ZNF281: variants seen among roughly 807,000 people sequenced by gnomAD.
The protein encoded by ZNF281 is GC-box-binding zinc finger protein 1.
ZNF281 carries 2 observed loss-of-function variants against 58.8 expected under a neutral mutation model. That is an observed-to-expected ratio of 0.03 (90% CI 0.01 to 0.11). ZNF281 has a LOEUF of 0.11. Among genes scored for constraint, ZNF281 ranks in the 10% least tolerant of loss-of-function variants. The probability of loss-of-function intolerance (pLI) is 1.00; values close to 1 mark genes in which losing one functional copy is unlikely to be tolerated. For missense variants in ZNF281, 975 were observed against 1,090.7 expected, an observed-to-expected ratio of 0.89 and a Z score of 1.49; for synonymous variants, 465 against 407.7, an observed-to-expected ratio of 1.14 and a Z score of -1.69.
At position 200,407,650 on chromosome 1, in the gene ZNF281, G is replaced by A; in HGVS notation, c.2056C>T (p.Leu686Phe). Residue 686 changes from leucine (L) to phenylalanine (F), a missense_variant, in exon 2 of 2, where the codon CTT becomes TTT. Around this residue, in one of 3 missense-constraint regions of ZNF281, gnomAD observed 579 missense variants for 608.9 expected, o/e 0.95. Coordinates refer to ENST00000367353, the MANE Select transcript of ZNF281 (RefSeq NM_001281293.2). ...FEKSTNASFT[L>F]GHGFQFVSLS... Reference sequence around the variant, plus strand: ...CTGACAAATTGGAAACCGTGTCCAAGAGTAAAACTTGCATTAGTGGATTTT... The same window carrying A: ...CTGACAAATTGGAAACCGTGTCCAAAAGTAAAACTTGCATTAGTGGATTTT... 1.2e-6 allele frequency: 2 copies of A among 1,614,228 alleles called. No homozygotes were observed. Among genetic ancestry groups the A allele is most frequent in the East Asian group, 4.5e-5 (2 of 44,894 alleles).
chr1:200,406,257 AGTT>A lies in ZNF281; in HGVS notation c.*758_*760del, dbSNP rs1654447618. On this transcript the variant is annotated 3_prime_UTR_variant, in exon 2 of 2. Transcript: ENST00000367353. ...CTTGATGGAATTACAGCCTTGTTACAGTTGAGATCAAGAGAGGGTGCTTTTTTT... is the reference window on the plus strand; with the variant it reads ...CTTGATGGAATTACAGCCTTGTTACAGAGATCAAGAGAGGGTGCTTTTTTT... The A allele has an allele frequency of 6.6e-6, 1 of 152,436 alleles. No individual in the cohort carries two copies. Among genetic ancestry groups the A allele is most frequent in the African/African-American group, 2.4e-5 (1 of 41,414 alleles). 9.4% of individuals were successfully genotyped at this position (152,436 alleles called of 1,614,324 possible). A position where few individuals can be genotyped will look rare whatever the true frequency, so the allele number is the denominator to read the frequency against.
rs1177970390 is a variant in ZNF281 at position 200,406,720 on chromosome 1, CT to C, written c.*297del. On this transcript the variant is annotated 3_prime_UTR_variant, in exon 2 of 2. Transcript: ENST00000367353. ...TTTTTTTTTTTTGGTTTTTTTTTGT[CT>C]TTTTTTTTGCGTTTAAAACATTTGG... is the stretch of plus-strand genomic sequence containing the variant. The C allele has an allele frequency of 6.2e-4, 101 of 163,428 alleles. No individual in the cohort carries two copies. Among genetic ancestry groups the C allele is most frequent in the East Asian group, 1.6e-3 (12 of 7,334 alleles). 10.1% of individuals were successfully genotyped at this position (163,428 alleles called of 1,614,324 possible).
rs954542131 is a variant in ZNF281, at chr1:200,406,018, C to T, written c.*1000G>A. 2 of 151,946 alleles carry T rather than the reference C, an allele frequency of 1.3e-5. No individual in the cohort carries two copies. 9.4% of individuals were successfully genotyped at this position (151,946 alleles called of 1,614,324 possible). On this transcript the variant is annotated 3_prime_UTR_variant, in exon 2 of 2. Transcript: ENST00000367353. ...AAAATAGAAAGAGGGAAAAGGAAGG[C>T]CCAAGAACTCTTAAAGAGAGGCTGA...
rs777494511 is a variant in ZNF281 at position 200,407,156 on chromosome 1, G to A, written c.2550C>T (p.Ile850=). 6.2e-7 allele frequency: 1 copy of A among 1,614,170 alleles called. No individual in the cohort carries two copies. The highest frequency in any genetic ancestry group is 8.5e-7 in the Non-Finnish European group (1 of 1,180,024). Residue 850 remains isoleucine (I), a synonymous_variant, in exon 2 of 2, where the codon ATC becomes ATT. Coordinates refer to ENST00000367353, the MANE Select transcript of ZNF281 (RefSeq NM_001281293.2). ...GGTCCACTTCTCCATTAGAGTTAGT[G>A]ATAAAGGTCATTGGCACCCTGCTGC... The part of the protein sequence containing the change: ...KSGSRVPMTF[I]TNSNGEVDHR...
Position 200,407,573 on chromosome 1 carries a change from G to A in ZNF281, c.2133C>T (p.Tyr711=). The part of the protein sequence containing the change: ...NHTLFPEKQI[Y]TTSPLECGFG... ...AACCACACTCCAAAGGAGACGTAGT[G>A]TATATTTGTTTTTCTGGAAACAAAG... is the stretch of plus-strand genomic sequence containing the variant. Residue 711 remains tyrosine (Y), a synonymous_variant, in exon 2 of 2, where the codon TAC becomes TAT. Coordinates refer to ENST00000367353, the MANE Select transcript of ZNF281 (RefSeq NM_001281293.2). 1.2e-6 allele frequency: 2 copies of A among 1,614,206 alleles called. No individual in the cohort carries two copies. The highest frequency in any genetic ancestry group is 1.7e-6 in the Non-Finnish European group (2 of 1,180,034).
intron 1 of ZNF281, 77 bp downstream of exon 1, chr1:200,409,869 C>T: frequency 4.8e-6 from 5 of 1,045,634 alleles, no homozygotes; most frequent in South Asian, 1.7e-5. Flanking sequence ...CAGTCGCCTC[C>T]GGCACCGGCA....
At position 200,407,196 on chromosome 1, in the gene ZNF281, G is replaced by C; in HGVS notation, c.2510C>G (p.Ser837Cys). 1 of 1,614,224 alleles carries C rather than the reference G, an allele frequency of 6.2e-7. No homozygotes were observed. The highest frequency in any genetic ancestry group is 8.5e-7 in the Non-Finnish European group (1 of 1,180,048). Residue 837 changes from serine (S) to cysteine (C), a missense_variant, in exon 2 of 2, where the codon TCT becomes TGT. Transcript: ENST00000367353. ...QIENFAQAFGSQFKSGSRVPM... is the reference protein window; with the variant it reads ...QIENFAQAFGCQFKSGSRVPM... The stretch of plus-strand genomic sequence containing the variant: ...CACCCTGCTGCCCGACTTAAACTGA[G>C]AACCAAACGCTTGTGCAAAGTTCTC...
At position 200,406,752 on chromosome 1, in the gene ZNF281, T is replaced by C. The variant is rs929314460; in HGVS notation, c.*266A>G. 3.0e-5 allele frequency: 9 copies of C among 298,212 alleles called. No individual in the cohort carries two copies. The highest frequency in any genetic ancestry group is 5.0e-5 in the Admixed American group (1 of 20,200). The allele number at this position is 298,212 out of a possible 1,614,324, so 18.5% of individuals were successfully genotyped here. The stretch of plus-strand genomic sequence containing the variant: ...TTTGCGTTTAAAACATTTGGGCTAT[T>C]CCCTGACGATCTATACATGTAAATT... On this transcript the variant is annotated 3_prime_UTR_variant, in exon 2 of 2. Transcript: ENST00000367353.
In ZNF281 at chr1:200,408,190, C is replaced by T. The variant is rs770953100; in HGVS notation, c.1516G>A (p.Val506Ile). 6 of 1,613,704 alleles carry T rather than the reference C, an allele frequency of 3.7e-6. No homozygotes were observed. The South Asian group carries it at 5.5e-5, about 15-fold the overall frequency. The change falls in exon 2 of 2, where the codon GTA becomes ATA. Residue 506 changes from valine to isoleucine, a missense_variant. By Grantham distance (29) the Val-to-Ile change is conservative (BLOSUM62 3). This residue lies in a region of ZNF281 where 579 missense variants were observed against 608.9 expected (regional missense o/e 0.95). Coordinates refer to ENST00000367353, the MANE Select transcript of ZNF281 (RefSeq NM_001281293.2). The stretch of plus-strand genomic sequence containing the variant: ...ATGGTCTCCACACTATTATTTGATA[C>T]TATGCCAAGTGAGCCACTTGGTTTT... The part of the protein sequence containing the change: ...SGKPSGSLGI[V>I]SNNSVETIGL...
rs1268261106 is a variant in ZNF281, at chr1:200,408,237, A to G, written c.1469T>C (p.Val490Ala). The G allele has an allele frequency of 6.2e-7, 1 of 1,612,308 alleles. No individual in the cohort carries two copies. The highest frequency in any genetic ancestry group is 1.7e-5 in the Admixed American group (1 of 60,016). Residue 490 changes from valine (V) to alanine (A), a missense_variant, in exon 2 of 2, where the codon GTA becomes GCA. Coordinates refer to ENST00000367353, the MANE Select transcript of ZNF281 (RefSeq NM_001281293.2). ...LNFVSPLPDI[V>A]GQKSLSGKPS... ...TTTTCCAGACAAGGATTTCTGTCCT[A>G]CTATGTCTGGTAATGGTGACACAAA...
Position 200,406,663 on chromosome 1 carries a change from C to T in ZNF281, c.*355G>A, listed in dbSNP as rs997223586. The T allele has an allele frequency of 1.1e-5, 2 of 180,414 alleles. No individual in the cohort carries two copies. Among genetic ancestry groups the T allele is most frequent in the Admixed American group, 5.9e-5 (1 of 16,880 alleles). 11.2% of individuals were successfully genotyped at this position (180,414 alleles called of 1,614,324 possible). ...CTGAGAGTAAAGCAATTAGAATAAC[C>T]TTAATCCTAGCAACAAAGTTTTTTT... On this transcript the variant is annotated 3_prime_UTR_variant, in exon 2 of 2. Transcript: ENST00000367353.
Position 200,408,623 on chromosome 1 carries a change from C to T in ZNF281, c.1083G>A (p.Leu361=). The change falls in exon 2 of 2, where the codon TTG becomes TTA. Residue 361 remains leucine, a synonymous_variant. Transcript: ENST00000367353. ...CTTCACCACATGTGCGCCTGTGCTT[C>T]AACAATCTATCAGTCCTTGAAAAAT... ...QQYFSRTDRL[L]KHRRTCGEVI... is the part of the protein sequence containing the mutation. 6.2e-7 allele frequency: 1 copy of T among 1,614,192 alleles called. No individual in the cohort carries two copies. Among genetic ancestry groups the T allele is most frequent in the Non-Finnish European group, 8.5e-7 (1 of 1,180,046 alleles).
At position 200,409,177 on chromosome 1, in the gene ZNF281, G is replaced by A. The variant is rs1201050863; in HGVS notation, c.529C>T (p.Leu177Phe). 2 of 1,614,104 alleles carry A rather than the reference G, an allele frequency of 1.2e-6. No individual in the cohort carries two copies. The highest frequency in any genetic ancestry group is 1.7e-6 in the Non-Finnish European group (2 of 1,180,012). Residue 177 changes from leucine to phenylalanine, a missense_variant, in exon 2 of 2, where the codon CTC (leucine) becomes TTC (phenylalanine). Physicochemically the swap from Leu to Phe is conservative, Grantham distance 22. Coordinates refer to ENST00000367353, the MANE Select transcript of ZNF281 (RefSeq NM_001281293.2). Reference protein sequence around the residue: ...EGGSHGVIQDLSILHQHVQQQ... With the variant: ...EGGSHGVIQDFSILHQHVQQQ... ...TGGACATGCTGGTGGAGAATACTGA[G>A]GTCCTGGATGACGCCGTGACTCCCC...
In ZNF281 at chr1:200,408,092, T is replaced by A; in HGVS notation, c.1614A>T (p.Ser538=). 1 of 1,614,198 alleles carries A rather than the reference T, an allele frequency of 6.2e-7. No homozygotes were observed. Among genetic ancestry groups the A allele is most frequent in the East Asian group, 2.2e-5 (1 of 44,892 alleles). ...SSNYDDAMQF[S]KKRRYLPTAS... Reference sequence around the variant, plus strand: ...CAGTTGGTAAATATCTTCTTTTCTTTGAAAACTGCATGGCATCATCATAAT... The same window carrying A: ...CAGTTGGTAAATATCTTCTTTTCTTAGAAAACTGCATGGCATCATCATAAT... The change falls in exon 2 of 2, where the codon TCA becomes TCT. Residue 538 remains serine (S), a synonymous_variant. Transcript: ENST00000367353.
At chr1:200,409,745 G>A in intron 1 of ZNF281, 22 bp from the exon 2 acceptor site, 1 of 1,583,910 alleles carries the variant, frequency 6.3e-7, no homozygotes, top group Non-Finnish European at 8.6e-7. Context: ...AGGAGGAAGA[G>A]GGAAGAGGGA....
Position 200,407,154 on chromosome 1 carries a change from G to A in ZNF281, c.2552C>T (p.Thr851Ile). ...ATGGTCCACTTCTCCATTAGAGTTA[G>A]TGATAAAGGTCATTGGCACCCTGCT... ...SGSRVPMTFITNSNGEVDHRV... is the reference protein window; with the variant it reads ...SGSRVPMTFIINSNGEVDHRV... Residue 851 changes from threonine (T) to isoleucine (I), a missense_variant, in exon 2 of 2, where the codon ACT (threonine) becomes ATT (isoleucine). Physicochemically the swap from Thr to Ile is moderately conservative, Grantham distance 89 (BLOSUM62 -1). Around this residue, in one of 3 missense-constraint regions of ZNF281, gnomAD observed 579 missense variants for 608.9 expected, o/e 0.95. Transcript: ENST00000367353. 1 of 1,614,158 alleles carries A rather than the reference G, an allele frequency of 6.2e-7. No homozygotes were observed. Among genetic ancestry groups the A allele is most frequent in the Non-Finnish European group, 8.5e-7 (1 of 1,180,024 alleles).
In ZNF281 at chr1:200,407,743, G is replaced by C. The variant is rs199935733; in HGVS notation, c.1963C>G (p.Gln655Glu). 1.9e-6 allele frequency: 3 copies of C among 1,614,110 alleles called. No individual in the cohort carries two copies. The highest frequency in any genetic ancestry group is 2.5e-6 in the Non-Finnish European group (3 of 1,180,030). Residue 655 changes from glutamine (Q) to glutamate (E), a missense_variant, in exon 2 of 2, where the codon CAA (glutamine) becomes GAA (glutamate). Gln to Glu is a conservative substitution (Grantham distance 29). Coordinates refer to ENST00000367353, the MANE Select transcript of ZNF281 (RefSeq NM_001281293.2). ...VQEENLSPGT[Q>E]TPSNDKASML... ...CTTGCTTTATCATTTGAAGGTGTTT[G>C]GGTGCCTGGGCTCAAATTTTCTTCT...
rs1217058164 is a variant in ZNF281, at chr1:200,406,692, AGGTTTTTTTTTTTT to A, written c.*312_*325del. 3.5e-5 allele frequency: 7 copies of A among 198,044 alleles called. No homozygotes were observed. Among genetic ancestry groups the A allele is most frequent in the South Asian group, 1.5e-4 (1 of 6,466 alleles). The allele number at this position is 198,044 out of a possible 1,614,324, so 12.3% of individuals were successfully genotyped here. A position where few individuals can be genotyped will look rare whatever the true frequency, so the allele number is the denominator to read the frequency against. ...ATCCTAGCAACAAAGTTTTTTTTGT[AGGTTTTTTTTTTTT>A]GGTTTTTTTTTGTCTTTTTTTTTGC... On this transcript the variant is annotated 3_prime_UTR_variant, in exon 2 of 2. Transcript: ENST00000367353.
chr1:200,409,469 G>A lies in ZNF281; in HGVS notation c.237C>T (p.Ser79=), dbSNP rs1303253175. The A allele has an allele frequency of 1.3e-6, 2 of 1,546,146 alleles. No homozygotes were observed. Among genetic ancestry groups the A allele is most frequent in the South Asian group, 1.2e-5 (1 of 83,688 alleles). The stretch of plus-strand genomic sequence containing the variant: ...CGGCCGGGGCTGCGGAGGTAGAGGA[G>A]GATAACACGCATTGCGGGGGAGGGG... ...SAAPPPQCVL[S]SSTSAAPAAE... Residue 79 remains serine, a synonymous_variant, in exon 2 of 2, where the codon TCC becomes TCT. Coordinates refer to ENST00000367353, the MANE Select transcript of ZNF281 (RefSeq NM_001281293.2).
Sources: allele counts gnomAD v4.1 joint callset, GRCh38; gene constraint gnomAD v4.1.1; regional missense constraint gnomAD v4.1.1; transcripts MANE v1.5; gene names NCBI Gene and HGNC (gene_info 2026-07-23, HGNC 2026-07-21).